SCN1A: variants seen among roughly 807,000 people sequenced by gnomAD.
SCN1A encodes the protein sodium voltage-gated channel alpha subunit 1.
A neutral mutation model predicts 193.7 loss-of-function variants in SCN1A; 13 were observed. The ratio of observed to expected loss-of-function variants is 0.07; its 90% CI spans 0.04 to 0.11. The LOEUF is 0.11. Among genes scored for constraint, SCN1A ranks in the 10% least tolerant of loss-of-function variants. The pLI, the probability that SCN1A is intolerant of heterozygous loss-of-function variation, is 1.00. For synonymous variants in SCN1A, 781 were observed against 843.6 expected (o/e 0.93, Z 1.29); for missense variants, 1,432 against 2,451.1 (o/e 0.58, Z 8.78).
intron 24 of SCN1A, among the ~76,000 whole-genome samples, chr2:166,000,221 A>G (rs779605394): frequency 6.6e-6 from 1 of 151,772 alleles, no homozygotes; most frequent in Non-Finnish European, 1.5e-5. Flanking sequence ...ATTTCTCTTT[A>G]TTGTAACAAT....
At chr2:166,040,038 C>T (rs1393593080) in intron 16 of SCN1A, among the ~76,000 whole-genome samples, 1 of 150,838 alleles carries the variant, frequency 6.6e-6, no homozygotes, top group Non-Finnish European at 1.5e-5. Flanking sequence ...CCTGCCTCAG[C>T]CTCCCGAGTA....
intron 2 of SCN1A, chr2:166,092,546 C>T (rs964449328): frequency 2.0e-5 from 3 of 152,110 alleles, no homozygotes; most frequent in South Asian, 4.1e-4. Context: ...TTAATTGTTT[C>T]GTACAGATGA....
chr2:166,050,623 A>ATATATATATATATATATATATG (rs1281523070), intron 9 of SCN1A, among the ~76,000 whole-genome samples: 4 of 97,028 alleles, frequency 4.1e-5, no homozygotes, highest in Non-Finnish European at 8.3e-5. Context: ...GTATATATAT[A>ATATATATATATATATATATATG]TATATATATA....
intron 1 of SCN1A, among the ~76,000 whole-genome samples, chr2:166,136,448 T>TAC: frequency 6.6e-6 from 1 of 152,186 alleles, no homozygotes; most frequent in East Asian, 1.9e-4. Flanking sequence ...TATGTTATGC[T>TAC]ACACACACAC....
chr2:166,064,811 A>G (rs532288435), intron 4 of SCN1A, among the ~76,000 whole-genome samples: 13 of 152,176 alleles, frequency 8.5e-5, no homozygotes, highest in Non-Finnish European at 1.2e-4. Flanking sequence ...CTCCAAATTT[A>G]TTGCACTTTC....
At chr2:166,121,623 A>G (rs1284657547) in intron 2 of SCN1A, among the ~76,000 whole-genome samples, 1 of 152,222 alleles carries the variant, frequency 6.6e-6, no homozygotes, top group East Asian at 1.9e-4. Flanking sequence ...ACATACACAG[A>G]TAACTCATTA....
chr2:166,094,740 A>C (rs1024085953), intron 2 of SCN1A, among the ~76,000 whole-genome samples: 1 of 151,722 alleles, frequency 6.6e-6, no homozygotes, highest in African/African-American at 2.4e-5. Context: ...CAACCAAACA[A>C]CCAAACACCA....
intron 2 of SCN1A, among the ~76,000 whole-genome samples, chr2:166,109,011 C>A (rs1251333616): frequency 6.6e-6 from 1 of 152,080 alleles, no homozygotes; most frequent in Non-Finnish European, 1.5e-5. Context: ...AATGCCTTGA[C>A]AATTTTTTAT....
chr2:166,075,469 A>T (rs550946824), intron 3 of SCN1A: 1 of 152,166 alleles, frequency 6.6e-6, no homozygotes, highest in Non-Finnish European at 1.5e-5. Flanking sequence ...TAAAATGTAT[A>T]TTAGAGTTCA....
chr2:166,138,338 C>A (rs1026101597), intron 1 of SCN1A, among the ~76,000 whole-genome samples: 1 of 152,204 alleles, frequency 6.6e-6, no homozygotes, highest in Non-Finnish European at 1.5e-5. Context: ...AGCAGCTCCT[C>A]CCATCACAAG....
chr2:166,130,751 A>G (rs566730036), upstream of SCN1A, among the ~76,000 whole-genome samples: 1 of 152,326 alleles, frequency 6.6e-6, no homozygotes, highest in Non-Finnish European at 1.5e-5. Context: ...CTATTAACTA[A>G]CAACTCATCA....
intron 7 of SCN1A, 95 bp from the exon 8 acceptor site, chr2:166,053,038 C>G: frequency 1.4e-6 from 2 of 1,411,944 alleles, no homozygotes; most frequent in Non-Finnish European, 2.0e-6. Context: ...TCACTTCTTA[C>G]CTGGAATTAC....
chr2:166,040,274 A>C (rs969114336), intron 16 of SCN1A, among the ~76,000 whole-genome samples: 2 of 152,126 alleles, frequency 1.3e-5, no homozygotes, highest in Non-Finnish European at 2.9e-5. Context: ...CTTTTTGTCC[A>C]GACTTTATAT....
intron 4 of SCN1A, among the ~76,000 whole-genome samples, 180 bp from the exon 5 acceptor site, chr2:166,058,868 G>A (rs1227051048): frequency 6.6e-6 from 1 of 152,034 alleles, no homozygotes; most frequent in East Asian, 1.9e-4. Context: ...TAATTAGAGA[G>A]GAAATCCAAT....
chr2:166,016,497 T>G (rs1693322587), intron 19 of SCN1A: 2 of 152,150 alleles, frequency 1.3e-5, no homozygotes, highest in Admixed American at 1.3e-4. Context: ...ATCCTTCATA[T>G]TTTGACAATA....
intron 7 of SCN1A, among the ~76,000 whole-genome samples, chr2:166,054,193 T>A (rs1698890338): frequency 6.6e-6 from 1 of 151,982 alleles, no homozygotes; most frequent in Non-Finnish European, 1.5e-5. Context: ...ATACTTACTT[T>A]CAATTATTTT....
intron 21 of SCN1A, 58 bp downstream of exon 21, chr2:166,013,686 T>A: frequency 6.8e-7 from 1 of 1,474,130 alleles, no homozygotes; most frequent in Non-Finnish European, 9.5e-7. Flanking sequence ...TAATAAGTCA[T>A]CAGTATTAGA....
chr2:166,076,881 A>T (rs1292079949), intron 3 of SCN1A, among the ~76,000 whole-genome samples: 1 of 152,004 alleles, frequency 6.6e-6, no homozygotes, highest in East Asian at 1.9e-4. Flanking sequence ...TTCACAAAAA[A>T]TAATTCAAAA....
intron 17 of SCN1A, 143 bp from the exon 18 acceptor site, chr2:166,038,275 T>C (rs1696709846): frequency 1.5e-6 from 1 of 669,170 alleles, no homozygotes; most frequent in African/African-American, 1.8e-5. Context: ...GGCTAATTTT[T>C]GGACTCCCTA....
Sources: allele counts gnomAD v4.1 joint callset (sites outside exome capture counted in the v4.1 genomes callset), GRCh38; gene constraint gnomAD v4.1.1; transcripts MANE v1.5; gene names NCBI Gene and HGNC (gene_info 2026-07-23, HGNC 2026-07-21).